The following UTS2 variants were observed in gnomAD, a reference collection of about 807,000 sequenced individuals.
The protein encoded by UTS2 is urotensin-2.
In UTS2, 10 loss-of-function variants were observed where a neutral mutation model predicts 12.6. The observed-to-expected ratio is 0.80, with a 90% confidence interval of 0.49 to 1.35. The LOEUF (loss-of-function observed/expected upper bound fraction) is 1.35, where lower values mean the gene tolerates loss of function less well. Among genes scored for constraint, UTS2 ranks in the 40% most tolerant of loss-of-function variants. UTS2 has a pLI of 0.00. For synonymous variants in UTS2, 52 were observed against 50.0 expected, an observed-to-expected ratio of 1.04 and a Z score of -0.17; for missense variants, 142 against 143.2, an observed-to-expected ratio of 0.99 and a Z score of 0.04.
chr1:7,862,360 G>T, the UTS2 span, among the ~76,000 whole-genome samples: 1 of 151,974 alleles, frequency 6.6e-6, no homozygotes, highest in Non-Finnish European at 1.5e-5. Context: ...ATTTACTGTT[G>T]CTGTAAGAGA....
chr1:7,856,241 G>A (rs569727436), upstream of UTS2, among the ~76,000 whole-genome samples: 23 of 152,270 alleles, frequency 1.5e-4, no homozygotes, highest in Admixed American at 1.0e-3. Flanking sequence ...GGGAAAGAAC[G>A]GTGAACAAAA....
chr1:7,890,491 T>G, the UTS2 span, among the ~76,000 whole-genome samples: 1 of 152,198 alleles, frequency 6.6e-6, no homozygotes, highest in African/African-American at 2.4e-5. Flanking sequence ...TAGATCATCT[T>G]TGATCTGGCA....
the UTS2 span, among the ~76,000 whole-genome samples, chr1:7,887,592 C>CAAAAAAAAAA: frequency 1.1e-4 from 7 of 62,422 alleles, no homozygotes; most frequent in African/African-American, 2.6e-4. Flanking sequence ...CCAGTCTCTA[C>CAAAAAAAAAA]AAAAAAAAAA....
chr1:7,857,743 G>A (rs1366408345), upstream of UTS2, among the ~76,000 whole-genome samples: 1 of 151,426 alleles, frequency 6.6e-6, no homozygotes, highest in Non-Finnish European at 1.5e-5. Context: ...TGGGCCACTT[G>A]GGAGGCTGAG....
intron 1 of UTS2, among the ~76,000 whole-genome samples, chr1:7,851,283 T>C (rs2097413891): frequency 6.6e-6 from 1 of 151,896 alleles, no homozygotes; most frequent in Admixed American, 6.6e-5. Context: ...ACTGCCTTTT[T>C]GCTTTTAGAT....
the UTS2 span, among the ~76,000 whole-genome samples, chr1:7,897,646 G>A: frequency 6.6e-6 from 1 of 152,068 alleles, no homozygotes; most frequent in Non-Finnish European, 1.5e-5. Context: ...GAGTGCAATG[G>A]TGCGATCTTG....
chr1:7,863,045 ATT>A, the UTS2 span, among the ~76,000 whole-genome samples: 754 of 36,562 alleles, frequency 0.021, 31 homozygotes, highest in Middle Eastern at 0.078. Context: ...ATTGTATTGT[ATT>A]GTATTGTATT....
chr1:7,894,360 G>T, the UTS2 span, among the ~76,000 whole-genome samples: 1 of 151,812 alleles, frequency 6.6e-6, no homozygotes, highest in Non-Finnish European at 1.5e-5. Context: ...TTTTTGTAGA[G>T]ACGGGGTCGC....
chr1:7,856,819 G>GT (rs942326219), upstream of UTS2, among the ~76,000 whole-genome samples: 1 of 119,940 alleles, frequency 8.3e-6, no homozygotes. Context: ...CCAGCACTTT[G>GT]GGGGGCCGAG....
chr1:7,900,947 A>T, the UTS2 span, among the ~76,000 whole-genome samples: 67 of 152,320 alleles, frequency 4.4e-4, no homozygotes, highest in African/African-American at 1.6e-3. Context: ...CCACTCCATG[A>T]AAGTTTAAGA....
the UTS2 span, among the ~76,000 whole-genome samples, chr1:7,901,628 G>GTATA: frequency 8.1e-6 from 1 of 123,170 alleles, no homozygotes; most frequent in Non-Finnish European, 1.7e-5. Flanking sequence ...GTGTGTGTGT[G>GTATA]TGTATATATA....
chr1:7,861,403 A>G, the UTS2 span, among the ~76,000 whole-genome samples: 1 of 152,034 alleles, frequency 6.6e-6, no homozygotes, highest in Non-Finnish European at 1.5e-5. Context: ...GGTGGGTTCA[A>G]GAAACAAAAG....
Position 7,852,967 on chromosome 1 carries a change from C to T in UTS2, c.37G>A (p.Gly13Arg). 6.2e-7 allele frequency: 1 copy of T among 1,613,404 alleles called. No individual in the cohort carries two copies. Among genetic ancestry groups the T allele is most frequent in the Non-Finnish European group, 8.5e-7 (1 of 1,179,750 alleles). Residue 13 changes from glycine to arginine, a missense_variant, in exon 1 of 4, where the codon GGA (glycine) becomes AGA (arginine). Transcript: ENST00000361696. ...KLASCCLLFI[G>R]FLNPLLSLPL... ...AGAGATAAGAGAGGATTTAAGAATC[C>T]TATGAAAAGCAAACAGCAGGAGGCC...
chr1:7,894,226 A>C, the UTS2 span, among the ~76,000 whole-genome samples: 2 of 148,232 alleles, frequency 1.3e-5, no homozygotes, highest in African/African-American at 5.0e-5. Flanking sequence ...TCTGTCTCCC[A>C]GGCGGGAGTG....
chr1:7,880,362 C>G, the UTS2 span, among the ~76,000 whole-genome samples: 2 of 124,002 alleles, frequency 1.6e-5, no homozygotes, highest in East Asian at 5.5e-4. Flanking sequence ...CGAAATGTGA[C>G]TTTTTGAAAA....
the UTS2 span, among the ~76,000 whole-genome samples, chr1:7,886,552 G>A: frequency 1.4e-4 from 21 of 152,304 alleles, no homozygotes; most frequent in South Asian, 4.1e-3. Context: ...CCAGGTGGAA[G>A]TGAAACCGAT....
chr1:7,875,753 G>A, the UTS2 span, among the ~76,000 whole-genome samples: 23 of 152,058 alleles, frequency 1.5e-4, no homozygotes, highest in African/African-American at 5.1e-4. Context: ...ACCAGCACCA[G>A]CCATCATTCA....
At chr1:7,909,651 C>T in the UTS2 span, among the ~76,000 whole-genome samples, 8 of 151,566 alleles carry the variant, frequency 5.3e-5, no homozygotes, top group African/African-American at 1.2e-4. Context: ...GACGGAGTCT[C>T]ACTCTGTCAC....
chr1:7,874,408 G>A, the UTS2 span, among the ~76,000 whole-genome samples: 5 of 152,178 alleles, frequency 3.3e-5, no homozygotes, highest in Non-Finnish European at 7.4e-5. Context: ...CCCGCCCTGG[G>A]GCTCAACAGC....
Sources: gnomAD v4.1 joint callset for allele counts (sites outside exome capture counted in the v4.1 genomes callset) on GRCh38, gnomAD v4.1.1 for gene constraint, MANE v1.5 for transcripts, NCBI Gene and HGNC (gene_info 2026-07-23, HGNC 2026-07-21) for gene names.